The following SPIN1 variants were observed in gnomAD, a reference collection of about 807,000 sequenced individuals.
SPIN1 encodes spindlin 1.
A neutral mutation model predicts 26.0 loss-of-function variants in SPIN1; 3 were observed. The ratio of observed to expected loss-of-function variants is 0.12; its 90% confidence interval spans 0.05 to 0.30. SPIN1 has a LOEUF of 0.30. Ranked by LOEUF, SPIN1 falls within the 10% of genes least tolerant of loss-of-function variation. The pLI, the probability that SPIN1 is intolerant of heterozygous loss-of-function variation, is 1.00. For missense variants in SPIN1, 126 were observed against 333.4 expected (o/e 0.38, Z 4.84); for synonymous variants, 101 against 116.5 (o/e 0.87, Z 0.86).
At position 88,405,997 on chromosome 9, in the gene SPIN1, T is replaced by TTGTG. The variant is rs1212598381; in HGVS notation, c.-159+17463_-159+17466dup. On this transcript the variant is annotated intron_variant, in intron 1 of 5. Coordinates refer to ENST00000375859, the MANE Select transcript of SPIN1 (RefSeq NM_006717.3). The stretch of plus-strand genomic sequence containing the variant: ...ACAGGCGCATGCCACCGTGCCTGGC[T>TTGTG]TGTGTGTCTGTGTGTGTGTGTGTGT... Among the ~76,000 whole-genome samples the TTGTG allele has an allele frequency of 8.8e-4, 122 of 138,942 alleles. 1 individual carries two copies. Among genetic ancestry groups the TTGTG allele is most frequent in the African/African-American group, 3.1e-3 (116 of 37,380 alleles). 91.2% of individuals were successfully genotyped at this position (138,942 alleles called of 152,430 possible). A position where few individuals can be genotyped will look rare whatever the true frequency, so the allele number is the denominator to read the frequency against.
intron 4 of SPIN1, among the ~76,000 whole-genome samples, chr9:88,465,692 T>A (rs992564162): frequency 6.6e-6 from 1 of 152,220 alleles, no homozygotes; most frequent in African/African-American, 2.4e-5. Context: ...TCTGGAGACA[T>A]GAGTTTTAAT....
At chr9:88,403,288 G>T (rs1267370250) in intron 1 of SPIN1, among the ~76,000 whole-genome samples, 2 of 152,058 alleles carry the variant, frequency 1.3e-5, no homozygotes, top group Admixed American at 6.6e-5. Context: ...TTTTCAGCTT[G>T]TTCTGTTGGT....
At chr9:88,450,414 C>T (rs1828332534) in intron 3 of SPIN1, among the ~76,000 whole-genome samples, 1 of 152,162 alleles carries the variant, frequency 6.6e-6, no homozygotes, top group Non-Finnish European at 1.5e-5. Context: ...TCCGTATTTT[C>T]TAATCATCTA....
intron 1 of SPIN1, among the ~76,000 whole-genome samples, chr9:88,398,861 C>A (rs571068532): frequency 6.6e-6 from 1 of 152,014 alleles, no homozygotes; most frequent in Non-Finnish European, 1.5e-5. Context: ...GCCACCGTGC[C>A]CGGCCTTGTT....
chr9:88,432,537 T>G (rs909536967), intron 2 of SPIN1, among the ~76,000 whole-genome samples: 2 of 150,474 alleles, frequency 1.3e-5, no homozygotes, highest in Non-Finnish European at 3.0e-5. Context: ...CAGGCTGGAG[T>G]GCAGTGGCGC....
At chr9:88,442,793 AT>A (rs1157804523) in intron 2 of SPIN1, among the ~76,000 whole-genome samples, 1 of 150,222 alleles carries the variant, frequency 6.7e-6, no homozygotes, top group Non-Finnish European at 1.5e-5. Context: ...AGCTTCCTGG[AT>A]TTGTGGTTTG....
intron 1 of SPIN1, among the ~76,000 whole-genome samples, chr9:88,394,198 A>G (rs138645653): frequency 6.6e-6 from 1 of 152,168 alleles, no homozygotes; most frequent in Non-Finnish European, 1.5e-5. Flanking sequence ...AGCTTTTCAC[A>G]ACTTGGACAT....
chr9:88,400,316 G>A (rs1827160153), intron 1 of SPIN1, among the ~76,000 whole-genome samples: 1 of 152,132 alleles, frequency 6.6e-6, no homozygotes, highest in South Asian at 2.1e-4. Flanking sequence ...TTGTGGCAAT[G>A]GATCTTAGGG....
Position 88,441,719 on chromosome 9 carries a change from G to A in SPIN1, c.53-7222G>A, listed in dbSNP as rs1365956987. Among the ~76,000 whole-genome samples, 6 of 150,978 alleles carry A rather than the reference G, an allele frequency of 4.0e-5. No individual in the cohort carries two copies. The East Asian group carries it at 9.7e-4, about 24-fold the overall frequency. ...TGCAGTGAGCCATAATCGCACCACC[G>A]CAGTCCAGCCTGGGCCACAGAGTGA... On this transcript the variant is annotated intron_variant, in intron 2 of 5. Transcript: ENST00000375859.
At chr9:88,475,022 T>G in intron 5 of SPIN1, 56 bp from the exon 6 acceptor site, 2 of 1,416,578 alleles carry the variant, frequency 1.4e-6, no homozygotes, top group Non-Finnish European at 1.9e-6. Context: ...ATCTAAAAAT[T>G]GACTTAGAAA....
chr9:88,471,611 C>T (rs1828786839), intron 5 of SPIN1, among the ~76,000 whole-genome samples: 1 of 127,150 alleles, frequency 7.9e-6, no homozygotes, highest in Admixed American at 1.0e-4. Context: ...GCCAAGACCG[C>T]ACCATTGCAC....
intron 3 of SPIN1, among the ~76,000 whole-genome samples, chr9:88,460,812 A>C (rs1467186190): frequency 3.9e-5 from 6 of 152,332 alleles, no homozygotes; most frequent in African/African-American, 1.4e-4. Flanking sequence ...ATTCAGATGC[A>C]CAGACACACC....
chr9:88,474,205 C>CGAGT (rs1364458525), intron 5 of SPIN1, among the ~76,000 whole-genome samples: 3 of 152,146 alleles, frequency 2.0e-5, no homozygotes, highest in African/African-American at 7.2e-5. Context: ...CCTGCTACTA[C>CGAGT]GAGGAAAAGA....
intron 2 of SPIN1, among the ~76,000 whole-genome samples, chr9:88,428,447 C>T (rs1216739849): frequency 6.6e-6 from 1 of 152,158 alleles, no homozygotes; most frequent in African/African-American, 2.4e-5. Flanking sequence ...TTTTCTCTTT[C>T]TGCATTAGTT....
At chr9:88,444,901 A>G (rs1564035166) in intron 2 of SPIN1, among the ~76,000 whole-genome samples, 1 of 151,646 alleles carries the variant, frequency 6.6e-6, no homozygotes, top group Non-Finnish European at 1.5e-5. Context: ...CTGTGTTATT[A>G]GCCAGGATGG....
intron 5 of SPIN1, among the ~76,000 whole-genome samples, chr9:88,469,574 G>A (rs1419017657): frequency 6.7e-6 from 1 of 149,924 alleles, no homozygotes; most frequent in African/African-American, 2.5e-5. Flanking sequence ...GAGTGTAATG[G>A]TGTGGTCTTG....
chr9:88,448,168 C>T (rs889378506), intron 2 of SPIN1, among the ~76,000 whole-genome samples: 5 of 151,286 alleles, frequency 3.3e-5, no homozygotes, highest in South Asian at 2.1e-4. Context: ...CTCAGCCTCC[C>T]AAGTAGTTGG....
At chr9:88,443,208 G>C (rs1031779230) in intron 2 of SPIN1, among the ~76,000 whole-genome samples, 1 of 150,674 alleles carries the variant, frequency 6.6e-6, no homozygotes, top group Non-Finnish European at 1.5e-5. Flanking sequence ...TTTCCATAAT[G>C]TGTAAGTTAT....
intron 3 of SPIN1, among the ~76,000 whole-genome samples, 161 bp downstream of exon 3, chr9:88,449,150 T>C (rs1828309739): frequency 6.6e-6 from 1 of 151,672 alleles, no homozygotes; most frequent in Admixed American, 6.6e-5. Flanking sequence ...ATCTTCTCTG[T>C]CTCTTCCCTT....
Sources: gnomAD v4.1 joint callset for allele counts (sites outside exome capture counted in the v4.1 genomes callset) on GRCh38, gnomAD v4.1.1 for gene constraint, MANE v1.5 for transcripts, NCBI Gene and HGNC (gene_info 2026-07-23, HGNC 2026-07-21) for gene names.